The following SEC23A variants were observed in gnomAD, a reference collection of about 807,000 sequenced individuals.
The protein encoded by SEC23A is SEC23 homolog A, COPII component, also known as protein transport protein Sec23A.
A neutral mutation model predicts 103.7 loss-of-function variants in SEC23A; 56 were observed. That is an observed-to-expected ratio of 0.54 (90% CI 0.44 to 0.67). The LOEUF is 0.67. SEC23A is among the 30% of genes least tolerant of loss of function. The pLI, the probability that SEC23A is intolerant of heterozygous loss-of-function variation, is 0.00. For missense variants in SEC23A, 784 were observed against 936.4 expected (o/e 0.84, Z 2.12); for synonymous variants, 281 against 293.0 (o/e 0.96, Z 0.42).
intron 13 of SEC23A, among the ~76,000 whole-genome samples, chr14:39,059,497 C>A (rs1886394571): frequency 6.6e-6 from 1 of 152,086 alleles, no homozygotes; most frequent in African/African-American, 2.4e-5. Context: ...AGCACCCTGT[C>A]TCTTGAAAGA....
chr14:39,082,062 G>A (rs1219206092), intron 7 of SEC23A, among the ~76,000 whole-genome samples: 1 of 152,096 alleles, frequency 6.6e-6, no homozygotes, highest in Non-Finnish European at 1.5e-5. Context: ...CAGAAAGGAA[G>A]TATTTAAGCA....
At chr14:39,099,154 G>GTTTTT (rs35763261) in intron 1 of SEC23A, among the ~76,000 whole-genome samples, 3 of 83,640 alleles carry the variant, frequency 3.6e-5, no homozygotes, top group Non-Finnish European at 7.2e-5. Context: ...TTGTTTTTGG[G>GTTTTT]TTTTTTTTTT....
chr14:39,056,476 C>CT (rs532329340), intron 13 of SEC23A, among the ~76,000 whole-genome samples: 2,053 of 142,882 alleles, frequency 0.014, 41 homozygotes, highest in African/African-American at 0.043. Flanking sequence ...GACAAATTAG[C>CT]TTTTTTTTTT....
intron 9 of SEC23A, among the ~76,000 whole-genome samples, chr14:39,068,204 A>G (rs1420122566): frequency 6.6e-6 from 1 of 152,156 alleles, no homozygotes; most frequent in East Asian, 1.9e-4. Context: ...CTTCTCTAAT[A>G]GATTGGCAAA....
chr14:39,070,811 G>A (rs1026348678), intron 9 of SEC23A, among the ~76,000 whole-genome samples: 13 of 152,118 alleles, frequency 8.5e-5, no homozygotes, highest in Non-Finnish European at 1.3e-4. Flanking sequence ...TGGATCACCT[G>A]AGGTCAGGAG....
At chr14:39,052,080 C>G (rs1057206130) in intron 14 of SEC23A, among the ~76,000 whole-genome samples, 1 of 152,082 alleles carries the variant, frequency 6.6e-6, no homozygotes. Flanking sequence ...ACCACATGCT[C>G]TCACTTACAA....
At chr14:39,093,422 A>C (rs146066149) in intron 2 of SEC23A, among the ~76,000 whole-genome samples, 178 bp from the exon 3 acceptor site, 242 of 152,346 alleles carry the variant, frequency 1.6e-3, no homozygotes, top group African/African-American at 5.3e-3. Flanking sequence ...TCACACTTTT[A>C]ACATATACAA....
chr14:39,039,099 T>C lies in SEC23A; in HGVS notation c.2143-3A>G. On this transcript the variant is annotated splice_polypyrimidine_tract_variant and splice_region_variant and intron_variant, in intron 18 of 19. Transcript: ENST00000307712. Reference sequence around the variant, plus strand: ...ACTTTTGAAAGGAGGAAACGGGCCTTAAAAGCAAAGAAGAAATAACATTAT... The same window carrying C: ...ACTTTTGAAAGGAGGAAACGGGCCTCAAAAGCAAAGAAGAAATAACATTAT... 6.2e-7 allele frequency: 1 copy of C among 1,612,412 alleles called. No individual in the cohort carries two copies. Among genetic ancestry groups the C allele is most frequent in the East Asian group, 2.2e-5 (1 of 44,802 alleles).
At chr14:39,059,290 A>AAAAAAAAAAAAAAAAAAAAC (rs1886377092) in intron 13 of SEC23A, among the ~76,000 whole-genome samples, 1 of 59,932 alleles carries the variant, frequency 1.7e-5, no homozygotes, top group Non-Finnish European at 4.3e-5. Context: ...AAAAAAAAAA[A>AAAAAAAAAAAAAAAAAAAAC]AAAAAAAAAA....
At chr14:39,101,415 C>G (rs964013417) in intron 1 of SEC23A, among the ~76,000 whole-genome samples, 3 of 151,632 alleles carry the variant, frequency 2.0e-5, no homozygotes, top group African/African-American at 7.3e-5. Context: ...GTCAGGAGAT[C>G]GAGACCAGCC....
chr14:39,073,964 A>C (rs1198944472), intron 9 of SEC23A, among the ~76,000 whole-genome samples: 1 of 152,114 alleles, frequency 6.6e-6, no homozygotes, highest in Non-Finnish European at 1.5e-5. Context: ...TCTAAGGATG[A>C]GAGGGTGGTG....
At chr14:39,049,109 G>A (rs1010112496) in intron 14 of SEC23A, among the ~76,000 whole-genome samples, 5 of 151,384 alleles carry the variant, frequency 3.3e-5, no homozygotes, top group African/African-American at 1.2e-4. Flanking sequence ...GGGAGGCCAA[G>A]GTGGGAAGAT....
intron 2 of SEC23A, 131 bp from the exon 3 acceptor site, chr14:39,093,375 A>G: frequency 2.8e-6 from 2 of 710,562 alleles, no homozygotes; most frequent in Non-Finnish European, 4.6e-6. Flanking sequence ...AGTAACTTTT[A>G]AAAGCCATGT....
At chr14:39,072,840 G>A (rs772710153) in intron 9 of SEC23A, among the ~76,000 whole-genome samples, 2 of 152,032 alleles carry the variant, frequency 1.3e-5, no homozygotes, top group African/African-American at 4.8e-5. Context: ...TACAGACAAC[G>A]ACAAGTGCTG....
intron 2 of SEC23A, among the ~76,000 whole-genome samples, chr14:39,094,486 C>G (rs1369633309): frequency 8.1e-6 from 1 of 123,570 alleles, no homozygotes; most frequent in Non-Finnish European, 1.6e-5. Flanking sequence ...TGGAGTCTTG[C>G]TTTGCTGCCC....
intron 9 of SEC23A, among the ~76,000 whole-genome samples, chr14:39,073,298 C>T (rs1292726525): frequency 3.9e-5 from 6 of 151,908 alleles, no homozygotes; most frequent in Non-Finnish European, 7.4e-5. Context: ...CCATTTGATT[C>T]CCTTCTTTTT....
intron 7 of SEC23A, among the ~76,000 whole-genome samples, chr14:39,085,218 G>A (rs1328435854): frequency 6.6e-6 from 1 of 152,168 alleles, no homozygotes. Flanking sequence ...CTGGAGGGTG[G>A]TGCCCCAGAG....
intron 7 of SEC23A, among the ~76,000 whole-genome samples, 173 bp from the exon 8 acceptor site, chr14:39,076,266 T>C (rs891301940): frequency 2.6e-5 from 4 of 152,182 alleles, no homozygotes; most frequent in Admixed American, 1.3e-4. Flanking sequence ...AACTTTCTTT[T>C]AAAATCCTAT....
At chr14:39,098,773 C>CA (rs1287314938) in intron 1 of SEC23A, among the ~76,000 whole-genome samples, 162 of 108,630 alleles carry the variant, frequency 1.5e-3, no homozygotes, top group Admixed American at 1.6e-3. Flanking sequence ...GACTCCTTCT[C>CA]AAAAAAAAAA....
Sources: allele counts gnomAD v4.1 joint callset (sites outside exome capture counted in the v4.1 genomes callset), GRCh38; gene constraint gnomAD v4.1.1; transcripts MANE v1.5; gene names NCBI Gene and HGNC (gene_info 2026-07-23, HGNC 2026-07-21).